The following PLCE1 variants were observed in gnomAD, a reference collection of about 807,000 sequenced individuals.
PLCE1 encodes 1-phosphatidylinositol 4,5-bisphosphate phosphodiesterase epsilon-1.
A neutral mutation model predicts 242.8 loss-of-function variants in PLCE1; 119 were observed. The observed-to-expected ratio is 0.49, with a 90% CI of 0.42 to 0.57. The LOEUF (loss-of-function observed/expected upper bound fraction) is 0.57, where lower values mean the gene tolerates loss of function less well. Among genes scored for constraint, PLCE1 ranks in the 20% least tolerant of loss-of-function variants. PLCE1 has a pLI of 0.00. For synonymous variants in PLCE1, 945 were observed against 1,017.4 expected, an observed-to-expected ratio of 0.93 and a Z score of 1.35; for missense variants, 2,441 against 2,788.8, an observed-to-expected ratio of 0.88 and a Z score of 2.81.
chr10:94,316,122 A>G (rs1224679309), intron 28 of PLCE1, among the ~76,000 whole-genome samples: 1 of 152,200 alleles, frequency 6.6e-6, no homozygotes, highest in Non-Finnish European at 1.5e-5. Context: ...CCACATGAGA[A>G]CCTAGCCCTA....
Position 94,216,388 on chromosome 10 carries a change from C to T in PLCE1, c.1810-10918C>T, listed in dbSNP as rs145445163. ...GGGTAGGGACTGTGTTTGTCTTGCT[C>T]ATCATGTGCTCTAGTGCCCACTGGA... is the stretch of plus-strand genomic sequence containing the variant. On this transcript the variant is annotated intron_variant, in intron 4 of 32. Transcript: ENST00000371380. Among the ~76,000 whole-genome samples the T allele has an allele frequency of 4.6e-5, 7 of 152,298 alleles. No individual in the cohort carries two copies. The East Asian group carries it at 1.4e-3, about 29-fold the overall frequency.
intron 28 of PLCE1, chr10:94,315,478 G>A (rs1156468307): frequency 4.4e-6 from 2 of 455,912 alleles, no homozygotes; most frequent in Admixed American, 2.4e-5. Context: ...TACAATATGA[G>A]TGAGAAAATA....
At chr10:94,316,162 T>C (rs985407253) in intron 28 of PLCE1, among the ~76,000 whole-genome samples, 1 of 152,180 alleles carries the variant, frequency 6.6e-6, no homozygotes, top group African/African-American at 2.4e-5. Context: ...TGACCGAGTA[T>C]TTCCAATGTG....
At chr10:94,093,716 G>A (rs904874000) in intron 2 of PLCE1, among the ~76,000 whole-genome samples, 9 of 152,124 alleles carry the variant, frequency 5.9e-5, no homozygotes, top group African/African-American at 2.2e-4. Flanking sequence ...CAGCCCAGGT[G>A]CTCTGTTCTC....
intron 32 of PLCE1, among the ~76,000 whole-genome samples, chr10:94,326,295 T>C (rs948699402): frequency 1.4e-4 from 21 of 152,188 alleles, no homozygotes; most frequent in African/African-American, 3.6e-4. Flanking sequence ...AAGAACTCAG[T>C]GATGCCTCTT....
In PLCE1 at chr10:94,171,439, T is replaced by C. The variant is rs1403555587; in HGVS notation, c.1752T>C (p.Leu584=). 6.2e-7 allele frequency: 1 copy of C among 1,614,078 alleles called. No individual in the cohort carries two copies. Among genetic ancestry groups the C allele is most frequent in the African/African-American group, 1.3e-5 (1 of 74,944 alleles). Residue 584 remains leucine, a synonymous_variant, in exon 4 of 33, where the codon CTT becomes CTC. Transcript: ENST00000371380. ...AAGCATCCATCTCAGCGTCGATTCT[T>C]ACCACTCAGAATGGAGAGCACAATG... ...CLKASISASI[L]TTQNGEHNAL...
chr10:94,269,627 A>G (rs1485094353), intron 17 of PLCE1, among the ~76,000 whole-genome samples: 1 of 152,180 alleles, frequency 6.6e-6, no homozygotes, highest in African/African-American at 2.4e-5. Context: ...TATTGTTGCA[A>G]TTTTTACGTA....
chr10:94,161,087 T>C (rs1429884644), intron 3 of PLCE1, among the ~76,000 whole-genome samples: 2 of 152,168 alleles, frequency 1.3e-5, no homozygotes, highest in Admixed American at 1.3e-4. Context: ...CTTGGCAATG[T>C]GGGCTCTTTT....
chr10:94,053,514 A>G (rs1347478740), intron 2 of PLCE1, among the ~76,000 whole-genome samples: 2 of 152,140 alleles, frequency 1.3e-5, no homozygotes, highest in African/African-American at 4.8e-5. Context: ...CCCCTCCTAG[A>G]TTGTAAGCCT....
At chr10:94,145,140 T>G (rs1383708845) in intron 3 of PLCE1, among the ~76,000 whole-genome samples, 1 of 152,224 alleles carries the variant, frequency 6.6e-6, no homozygotes, top group Non-Finnish European at 1.5e-5. Flanking sequence ...ATTAAAATAT[T>G]TACATTTGAA....
intron 1 of PLCE1, among the ~76,000 whole-genome samples, chr10:93,994,536 A>C (rs2060783590): frequency 6.6e-6 from 1 of 152,240 alleles, no homozygotes. Flanking sequence ...GGAGGTGGCC[A>C]GTGCAAAGAA....
intron 2 of PLCE1, among the ~76,000 whole-genome samples, chr10:94,066,561 T>C (rs1215566510): frequency 6.6e-6 from 1 of 152,126 alleles, no homozygotes; most frequent in African/African-American, 2.4e-5. Context: ...GAAGTGGCCA[T>C]GCCCTTCTGT....
At chr10:94,232,724 C>T (rs554389182) in intron 5 of PLCE1, among the ~76,000 whole-genome samples, 35 of 152,300 alleles carry the variant, frequency 2.3e-4, no homozygotes, top group Non-Finnish European at 4.7e-4. Flanking sequence ...CAGGCAGACC[C>T]TTCAAGACAG....
chr10:94,198,982 G>T (rs887477239), intron 4 of PLCE1, among the ~76,000 whole-genome samples: 3 of 152,162 alleles, frequency 2.0e-5, no homozygotes, highest in South Asian at 2.1e-4. Context: ...AGCCCAGGAG[G>T]TTGAGGCTGC....
intron 30 of PLCE1, 113 bp downstream of exon 30, chr10:94,322,172 C>G: frequency 5.1e-6 from 5 of 982,490 alleles, no homozygotes; most frequent in South Asian, 1.4e-5. Context: ...CAACAGGGAC[C>G]TCAAAGGGGA....
chr10:94,071,277 C>T (rs1255946500), intron 2 of PLCE1, among the ~76,000 whole-genome samples: 1 of 152,096 alleles, frequency 6.6e-6, no homozygotes, highest in Non-Finnish European at 1.5e-5. Context: ...GAATAGTTTC[C>T]TCCAAACCAG....
At chr10:94,073,585 A>G (rs1478394046) in intron 2 of PLCE1, among the ~76,000 whole-genome samples, 3 of 152,228 alleles carry the variant, frequency 2.0e-5, no homozygotes, top group Non-Finnish European at 4.4e-5. Flanking sequence ...CAATCGATCA[A>G]TTTAGTTCAT....
intron 4 of PLCE1, among the ~76,000 whole-genome samples, chr10:94,184,179 C>T (rs1190776383): frequency 6.6e-6 from 1 of 152,214 alleles, no homozygotes; most frequent in African/African-American, 2.4e-5. Flanking sequence ...ATCCATTCTC[C>T]ACCCAACAAT....
intron 16 of PLCE1, among the ~76,000 whole-genome samples, chr10:94,267,644 A>G (rs746607456): frequency 2.0e-5 from 3 of 152,212 alleles, no homozygotes; most frequent in Admixed American, 6.5e-5. Flanking sequence ...TAGTCCTTCA[A>G]TGCTGAAAAG....
Sources: allele counts gnomAD v4.1 joint callset (sites outside exome capture counted in the v4.1 genomes callset), GRCh38; gene constraint gnomAD v4.1.1; transcripts MANE v1.5; gene names NCBI Gene and HGNC (gene_info 2026-07-23, HGNC 2026-07-21).